The following RBFOX3 variants were observed in gnomAD, a reference collection of about 807,000 sequenced individuals.
RBFOX3 encodes RNA binding protein fox-1 homolog 3.
RBFOX3 carries 17 observed loss-of-function variants against 48.7 expected under a neutral mutation model. That is an observed-to-expected ratio of 0.35 (90% CI 0.24 to 0.52). RBFOX3 has a LOEUF of 0.52. RBFOX3 is among the 20% of genes least tolerant of loss of function. RBFOX3 has a pLI of 0.94. For synonymous variants in RBFOX3, 212 were observed against 209.5 expected, an observed-to-expected ratio of 1.01 and a Z score of -0.10; for missense variants, 382 against 497.5, an observed-to-expected ratio of 0.77 and a Z score of 2.21.
At chr17:79,415,847 G>C (rs2065263324) in intron 2 of RBFOX3, among the ~76,000 whole-genome samples, 1 of 152,130 alleles carries the variant, frequency 6.6e-6, no homozygotes, top group African/African-American at 2.4e-5. Context: ...TGGAGGAAGG[G>C]AGAGGGACTG....
intron 4 of RBFOX3, among the ~76,000 whole-genome samples, chr17:79,119,099 G>A (rs888857223): frequency 6.6e-6 from 1 of 152,050 alleles, no homozygotes; most frequent in Non-Finnish European, 1.5e-5. Context: ...ATTCAACTTG[G>A]GGCTGAATGA....
chr17:79,318,819 C>A (rs1377368267), intron 2 of RBFOX3, among the ~76,000 whole-genome samples: 2 of 131,540 alleles, frequency 1.5e-5, no homozygotes, highest in Admixed American at 9.1e-5. Flanking sequence ...TGCGCCACTG[C>A]ACTCCAGCCT....
At chr17:79,558,755 G>A (rs1438676099) in intron 1 of RBFOX3, among the ~76,000 whole-genome samples, 1 of 152,186 alleles carries the variant, frequency 6.6e-6, no homozygotes, top group Non-Finnish European at 1.5e-5. Context: ...CGGAGGCTGC[G>A]TGGGCCTGCG....
chr17:79,638,428 T>C, the RBFOX3 span, among the ~76,000 whole-genome samples: 1 of 150,016 alleles, frequency 6.7e-6, no homozygotes, highest in Non-Finnish European at 1.5e-5. Flanking sequence ...GTCTCTGAAA[T>C]AAAAAAGATT....
At chr17:79,469,488 G>T (rs1179318688) in intron 2 of RBFOX3, among the ~76,000 whole-genome samples, 3 of 152,192 alleles carry the variant, frequency 2.0e-5, no homozygotes, top group African/African-American at 7.2e-5. Context: ...ACTGCCCTGT[G>T]CCTACATTCC....
the RBFOX3 span, among the ~76,000 whole-genome samples, chr17:79,654,170 C>CA: frequency 6.6e-6 from 1 of 152,182 alleles, no homozygotes; most frequent in Non-Finnish European, 1.5e-5. Context: ...CCAAGCCACT[C>CA]ATTCATTGCA....
chr17:79,337,913 T>G (rs1270154440), intron 2 of RBFOX3, among the ~76,000 whole-genome samples: 1 of 152,100 alleles, frequency 6.6e-6, no homozygotes, highest in Non-Finnish European at 1.5e-5. Flanking sequence ...TGCTTCTGTT[T>G]CATGTGTTTG....
At chr17:79,425,570 G>A (rs1210455596) in intron 2 of RBFOX3, among the ~76,000 whole-genome samples, 2 of 152,272 alleles carry the variant, frequency 1.3e-5, no homozygotes, top group Admixed American at 1.3e-4. Flanking sequence ...ACACAGCAGA[G>A]GCCATGGGGG....
At chr17:79,641,296 G>C in the RBFOX3 span, among the ~76,000 whole-genome samples, 1 of 152,094 alleles carries the variant, frequency 6.6e-6, no homozygotes, top group East Asian at 1.9e-4. Flanking sequence ...AAAGACAAAA[G>C]ATAACAAGTA....
chr17:79,370,514 G>A (rs1486634547), intron 2 of RBFOX3, among the ~76,000 whole-genome samples: 6 of 149,260 alleles, frequency 4.0e-5, no homozygotes, highest in South Asian at 2.2e-4. Context: ...ACACGTACAC[G>A]TCTCTGGTAC....
chr17:79,384,322 T>C (rs369381741), intron 2 of RBFOX3, among the ~76,000 whole-genome samples: 2 of 152,140 alleles, frequency 1.3e-5, no homozygotes, highest in Admixed American at 1.3e-4. Flanking sequence ...TTAGAGGCTG[T>C]GGGGGAGAAG....
chr17:79,464,834 C>T (rs782632990), intron 2 of RBFOX3, among the ~76,000 whole-genome samples: 4 of 152,222 alleles, frequency 2.6e-5, no homozygotes, highest in Non-Finnish European at 5.9e-5. Flanking sequence ...ATGCCAGCAA[C>T]GTGCTGGCAC....
chr17:79,663,249 T>C, the RBFOX3 span, among the ~76,000 whole-genome samples: 1 of 152,190 alleles, frequency 6.6e-6, no homozygotes, highest in African/African-American at 2.4e-5. Flanking sequence ...TTTGGGTCCA[T>C]TATAAATGAT....
chr17:79,497,463 T>C (rs1483937306), intron 1 of RBFOX3, among the ~76,000 whole-genome samples: 1 of 152,088 alleles, frequency 6.6e-6, no homozygotes, highest in Non-Finnish European at 1.5e-5. Flanking sequence ...AAAGCAATCA[T>C]CAATGTAATG....
intron 3 of RBFOX3, among the ~76,000 whole-genome samples, chr17:79,297,436 T>C (rs931708138): frequency 6.6e-6 from 1 of 151,286 alleles, no homozygotes; most frequent in Non-Finnish European, 1.5e-5. Flanking sequence ...GTGAGATTCA[T>C]CTCTCCCTGG....
At chr17:79,478,958 G>A (rs2078379250) in intron 2 of RBFOX3, among the ~76,000 whole-genome samples, 2 of 152,174 alleles carry the variant, frequency 1.3e-5, no homozygotes. Flanking sequence ...AATGTCCTAG[G>A]AGGAAACTGC....
intron 2 of RBFOX3, among the ~76,000 whole-genome samples, chr17:79,445,827 C>A (rs557013867): frequency 3.0e-4 from 45 of 152,326 alleles, no homozygotes; most frequent in African/African-American, 1.0e-3. Flanking sequence ...ATCACTTGGC[C>A]TTGGGAAGGT....
intron 4 of RBFOX3, among the ~76,000 whole-genome samples, chr17:79,213,655 C>A (rs534226254): frequency 1.3e-5 from 2 of 152,202 alleles, no homozygotes; most frequent in Non-Finnish European, 2.9e-5. Flanking sequence ...GAGCCTTCCC[C>A]GGGGACTGCG....
intron 1 of RBFOX3, among the ~76,000 whole-genome samples, chr17:79,564,372 G>T (rs911810650): frequency 0.11 from 16,335 of 152,234 alleles, 1,797 homozygotes; most frequent in East Asian, 0.36. Context: ...GCCTGAAGGG[G>T]CAACATTCTC....
Sources: allele counts gnomAD v4.1 joint callset (sites outside exome capture counted in the v4.1 genomes callset), GRCh38; gene constraint gnomAD v4.1.1; transcripts MANE v1.5; gene names NCBI Gene and HGNC (gene_info 2026-07-23, HGNC 2026-07-21).